The following IFT56 variants were observed in gnomAD, a reference collection of about 807,000 sequenced individuals.
IFT56 encodes the protein intraflagellar transport protein 56.
At chr7:139,163,547 G>C in the IFT56 span, among the ~76,000 whole-genome samples, 1 of 152,120 alleles carries the variant, frequency 6.6e-6, no homozygotes, top group Non-Finnish European at 1.5e-5. Context: ...AGGTTAAGGA[G>C]TGAGAGGATG....
At chr7:139,134,103 T>C in the IFT56 span, among the ~76,000 whole-genome samples, 5 of 152,258 alleles carry the variant, frequency 3.3e-5, no homozygotes, top group African/African-American at 1.2e-4. Flanking sequence ...AAGGGAAAGC[T>C]GAGATGACAG....
chr7:139,151,519 A>G, the IFT56 span, among the ~76,000 whole-genome samples: 1 of 152,182 alleles, frequency 6.6e-6, no homozygotes, highest in Non-Finnish European at 1.5e-5. Flanking sequence ...CAACCCTGGC[A>G]TAGTTGCTGT....
At chr7:139,179,018 A>T in the IFT56 span, among the ~76,000 whole-genome samples, 1 of 152,260 alleles carries the variant, frequency 6.6e-6, no homozygotes, top group East Asian at 1.9e-4. Context: ...TATCATAAGT[A>T]TACAGCTTGA....
the IFT56 span, among the ~76,000 whole-genome samples, chr7:139,149,229 C>T: frequency 1.4e-5 from 2 of 144,812 alleles, no homozygotes; most frequent in Admixed American, 1.4e-4. Flanking sequence ...GGCGTGAACT[C>T]GGGAGGCAGA....
chr7:139,155,804 G>C, the IFT56 span, among the ~76,000 whole-genome samples: 1 of 152,052 alleles, frequency 6.6e-6, no homozygotes, highest in Non-Finnish European at 1.5e-5. Context: ...AAGGGGAAAA[G>C]TTCCGTCTTC....
chr7:139,161,136 A>G, the IFT56 span: 2 of 878,342 alleles, frequency 2.3e-6, no homozygotes, highest in East Asian at 2.6e-5. Context: ...CTTTACTCCA[A>G]GGGAACCCCT....
chr7:139,188,550 A>G, the IFT56 span, among the ~76,000 whole-genome samples: 1 of 152,248 alleles, frequency 6.6e-6, no homozygotes, highest in African/African-American at 2.4e-5. Context: ...CCTACCTTAT[A>G]GTACTTCTAG....
At chr7:139,148,396 T>A in the IFT56 span, 1 of 1,596,826 alleles carries the variant, frequency 6.3e-7, no homozygotes, top group Non-Finnish European at 8.6e-7. Flanking sequence ...GGAAGTGTGT[T>A]TTTAATGTAC....
the IFT56 span, chr7:139,137,772 C>T: frequency 3.2e-6 from 4 of 1,247,914 alleles, no homozygotes; most frequent in East Asian, 4.8e-5. Context: ...AGTAACCCAA[C>T]GTAGCATTTT....
At chr7:139,171,085 CT>C in the IFT56 span, among the ~76,000 whole-genome samples, 1 of 152,048 alleles carries the variant, frequency 6.6e-6, no homozygotes, top group African/African-American at 2.4e-5. Flanking sequence ...AAAAAGTAAT[CT>C]CATTTATAAT....
At chr7:139,169,430 G>C in the IFT56 span, 1 of 1,288,430 alleles carries the variant, frequency 7.8e-7, no homozygotes, top group Admixed American at 1.7e-5. Flanking sequence ...TTGATTCTCT[G>C]TCTAGGGATG....
At chr7:139,149,015 G>A in the IFT56 span, among the ~76,000 whole-genome samples, 3 of 151,888 alleles carry the variant, frequency 2.0e-5, no homozygotes, top group South Asian at 6.2e-4. Flanking sequence ...TAGAAACCTG[G>A]CATATCTGGG....
the IFT56 span, chr7:139,181,241 T>C: frequency 6.9e-7 from 1 of 1,444,410 alleles, no homozygotes; most frequent in Non-Finnish European, 9.6e-7. Context: ...AGATTCATTA[T>C]CACATTGCTG....
At chr7:139,165,749 CA>C in the IFT56 span, among the ~76,000 whole-genome samples, 1 of 152,284 alleles carries the variant, frequency 6.6e-6, no homozygotes, top group Admixed American at 6.5e-5. Flanking sequence ...ACGCCTAAAG[CA>C]GCCTTTTCTA....
chr7:139,145,709 C>T, the IFT56 span, among the ~76,000 whole-genome samples: 1 of 151,796 alleles, frequency 6.6e-6, no homozygotes, highest in Non-Finnish European at 1.5e-5. Context: ...AGCCACTGCC[C>T]CTGCCCCTTT....
At chr7:139,184,546 G>A in the IFT56 span, among the ~76,000 whole-genome samples, 1,004 of 152,320 alleles carry the variant, frequency 6.6e-3, 14 homozygotes, top group African/African-American at 0.024. Flanking sequence ...TGTTAGGGAT[G>A]GTGAGCAGGG....
the IFT56 span, chr7:139,168,274 C>A: frequency 1.0e-6 from 1 of 998,324 alleles, no homozygotes; most frequent in Non-Finnish European, 1.5e-6. Context: ...TGAGTTAATG[C>A]AAGGAGTTAA....
chr7:139,163,074 G>T, the IFT56 span, among the ~76,000 whole-genome samples: 2 of 152,048 alleles, frequency 1.3e-5, no homozygotes. Context: ...GCCGGGTGCG[G>T]TGACTCATGC....
At chr7:139,162,274 T>A in the IFT56 span, among the ~76,000 whole-genome samples, 3 of 152,208 alleles carry the variant, frequency 2.0e-5, no homozygotes, top group Non-Finnish European at 2.9e-5. Context: ...ATTTAATGGT[T>A]GGTCTGGAGC....
Sources: gnomAD v4.1 joint callset for allele counts (sites outside exome capture counted in the v4.1 genomes callset) on GRCh38, gnomAD v4.1.1 for gene constraint, MANE v1.5 for transcripts, NCBI Gene and HGNC (gene_info 2026-07-23, HGNC 2026-07-21) for gene names.